Variants in GARIN5B observed in about 807,000 individuals in gnomAD.
GARIN5B encodes the protein golgi associated RAB2 interactor family member 5B.
chr19:55,358,010 T>C, the GARIN5B span: 8 of 1,009,552 alleles, frequency 7.9e-6, no homozygotes, highest in African/African-American at 8.9e-5. Flanking sequence ...GCCAAGATCA[T>C]ACCACCGCAC....
the GARIN5B span, chr19:55,363,019 G>T: frequency 6.7e-7 from 1 of 1,493,650 alleles, no homozygotes; most frequent in South Asian, 1.3e-5. The surrounding 1 kb of genome is among the most constrained non-coding windows in gnomAD (Gnocchi z 4.0). Context: ...CCCACTTCGG[G>T]GTGCCCTGGA....
chr19:55,362,268 G>A, the GARIN5B span: 7 of 1,540,402 alleles, frequency 4.5e-6, no homozygotes, highest in Admixed American at 2.0e-5. Context: ...GTGGAGGCAG[G>A]CGCTTCGGCC....
chr19:55,362,540 G>A, the GARIN5B span: 1 of 1,531,106 alleles, frequency 6.5e-7, no homozygotes, highest in South Asian at 1.2e-5. Flanking sequence ...GAGCAGGAGG[G>A]GTGGAGGGGG....
the GARIN5B span, among the ~76,000 whole-genome samples, chr19:55,356,193 G>A: frequency 6.6e-6 from 1 of 151,386 alleles, no homozygotes; most frequent in Non-Finnish European, 1.5e-5. Context: ...CCAACATGGC[G>A]AAACCCCATC....
chr19:55,355,817 C>T, the GARIN5B span, among the ~76,000 whole-genome samples: 2 of 151,972 alleles, frequency 1.3e-5, no homozygotes, highest in Non-Finnish European at 2.9e-5. Context: ...GAAACCCCAT[C>T]TCTACAAAAA....
the GARIN5B span, chr19:55,359,209 C>T: frequency 1.1e-5 from 17 of 1,551,250 alleles, no homozygotes; most frequent in African/African-American, 2.7e-5. Context: ...GTGAGGCAGG[C>T]GGGCTCAGCG....
At chr19:55,359,664 C>A in the GARIN5B span, 13 of 1,551,588 alleles carry the variant, frequency 8.4e-6, 1 homozygote, top group South Asian at 1.5e-4. Context: ...CCAGATGGGG[C>A]CTTCTGGCAG....
chr19:55,362,860 G>A, the GARIN5B span: 29 of 1,468,640 alleles, frequency 2.0e-5, no homozygotes, highest in Non-Finnish European at 2.5e-5. Flanking sequence ...CCCCCAGCAC[G>A]GGGGGCCTTG....
the GARIN5B span, chr19:55,358,725 C>A: frequency 6.5e-6 from 10 of 1,549,952 alleles, no homozygotes; most frequent in South Asian, 1.2e-5. Context: ...GAGACCAAAG[C>A]GGATTTCGAG....
At chr19:55,355,446 G>T in the GARIN5B span, 2 of 1,235,724 alleles carry the variant, frequency 1.6e-6, no homozygotes, top group Non-Finnish European at 2.3e-6. Context: ...TTAGGAGAGC[G>T]TCCCCCAGGG....
At chr19:55,358,252 A>G in the GARIN5B span, 2 of 1,551,008 alleles carry the variant, frequency 1.3e-6, no homozygotes, top group Non-Finnish European at 1.7e-6. Context: ...GAATTTCTGA[A>G]GACGACCCCA....
the GARIN5B span, among the ~76,000 whole-genome samples, chr19:55,356,069 G>A: frequency 2.6e-5 from 4 of 151,978 alleles, no homozygotes; most frequent in Admixed American, 2.6e-4. Flanking sequence ...AGGCTGCCAT[G>A]AGCCACGATC....
the GARIN5B span, among the ~76,000 whole-genome samples, chr19:55,356,809 G>A: frequency 6.6e-6 from 1 of 152,038 alleles, no homozygotes; most frequent in South Asian, 2.1e-4. Context: ...CAACACTTTT[G>A]GGAGGCCGAG....
chr19:55,362,145 C>T, the GARIN5B span: 1 of 1,399,160 alleles, frequency 7.1e-7, no homozygotes, highest in South Asian at 1.5e-5. Flanking sequence ...GGTCCAGGCC[C>T]CCGGCCTAGA....
At chr19:55,361,532 C>A in the GARIN5B span, 1 of 1,248,804 alleles carries the variant, frequency 8.0e-7, no homozygotes, top group East Asian at 2.7e-5. Context: ...CAGGACCTGA[C>A]GATCCAGCTC....
the GARIN5B span, chr19:55,362,863 G>A: frequency 2.2e-4 from 329 of 1,469,948 alleles, 2 homozygotes; most frequent in African/African-American, 4.1e-3. Flanking sequence ...CCAGCACGGG[G>A]GGCCTTGCTT....
the GARIN5B span, chr19:55,358,042 A>C: frequency 8.0e-7 from 1 of 1,249,614 alleles, no homozygotes; most frequent in South Asian, 2.1e-5. Flanking sequence ...TGACAGAGTG[A>C]GACCCTGTCA....
chr19:55,356,957 G>C, the GARIN5B span, among the ~76,000 whole-genome samples: 8,568 of 152,154 alleles, frequency 0.056, 322 homozygotes, highest in Middle Eastern at 0.13. Context: ...TCCTCAAGAG[G>C]CTGACAGGAG....
chr19:55,355,336 G>C, the GARIN5B span: 5 of 1,550,596 alleles, frequency 3.2e-6, no homozygotes, highest in Non-Finnish European at 4.4e-6. Context: ...AGTGCTGGGA[G>C]TGCTGCAGGC....
Sources: gnomAD v4.1 joint callset for allele counts (sites outside exome capture counted in the v4.1 genomes callset) on GRCh38, gnomAD v4.1.1 for gene constraint, Gnocchi (gnomAD v3.1) non-coding constraint, MANE v1.5 for transcripts, NCBI Gene and HGNC (gene_info 2026-07-23, HGNC 2026-07-21) for gene names.